Variants in LUZP2 observed in about 807,000 individuals in gnomAD.
The protein encoded by LUZP2 is leucine zipper protein 2.
In LUZP2, 52 loss-of-function variants were observed where a neutral mutation model predicts 51.6. That is an observed-to-expected ratio of 1.01 (90% CI 0.81 to 1.27). The LOEUF (loss-of-function observed/expected upper bound fraction) is 1.27. Among genes scored for constraint, LUZP2 ranks in the 50% most tolerant of loss-of-function variants. LUZP2 has a pLI of 0.00. For synonymous variants in LUZP2, 154 were observed against 137.3 expected, an observed-to-expected ratio of 1.12 and a Z score of -0.85; for missense variants, 436 against 395.4, an observed-to-expected ratio of 1.10 and a Z score of -0.87.
At chr11:24,907,922 A>G (rs1378623256) in intron 6 of LUZP2, among the ~76,000 whole-genome samples, 1 of 152,010 alleles carries the variant, frequency 6.6e-6, no homozygotes, top group East Asian at 1.9e-4. Flanking sequence ...ATTGAAATGT[A>G]TTGTAATAGG....
chr11:24,601,821 T>C (rs964754839), intron 1 of LUZP2, among the ~76,000 whole-genome samples: 1 of 149,166 alleles, frequency 6.7e-6, no homozygotes, highest in African/African-American at 2.5e-5. Context: ...CAAGACTGTT[T>C]AGATATAGTT....
chr11:24,955,997 C>G (rs949580293), intron 7 of LUZP2, among the ~76,000 whole-genome samples: 1 of 151,816 alleles, frequency 6.6e-6, no homozygotes, highest in South Asian at 2.1e-4. Context: ...GCACAAAACT[C>G]AATGAGATAG....
In LUZP2 at chr11:24,643,936, G is replaced by C. The variant is rs1040849826; in HGVS notation, c.63-85233G>C. 2.6e-5 allele frequency among the ~76,000 whole-genome samples: 4 copies of C among 152,254 alleles called. No homozygotes were observed. The East Asian group carries it at 7.7e-4, about 29-fold the overall frequency. On this transcript the variant is annotated intron_variant, in intron 1 of 11. Transcript: ENST00000336930. The stretch of plus-strand genomic sequence containing the variant: ...CCTTTATTCGTAATGTAATGATGTT[G>C]ATACAACTGATGCCAGGTCAGCCTA...
intron 1 of LUZP2, among the ~76,000 whole-genome samples, chr11:24,704,863 C>T (rs978032591): frequency 6.6e-6 from 1 of 152,070 alleles, no homozygotes; most frequent in Non-Finnish European, 1.5e-5. Flanking sequence ...TAGTCCCAGG[C>T]TCTCTTCAAA....
At chr11:24,946,974 G>A (rs1292501597) in intron 7 of LUZP2, among the ~76,000 whole-genome samples, 2 of 151,850 alleles carry the variant, frequency 1.3e-5, no homozygotes, top group East Asian at 3.9e-4. Flanking sequence ...CAGCAGGAGA[G>A]ATATACAACT....
intron 1 of LUZP2, among the ~76,000 whole-genome samples, chr11:24,725,495 T>C (rs1858440622): frequency 6.6e-6 from 1 of 151,946 alleles, no homozygotes; most frequent in Non-Finnish European, 1.5e-5. Context: ...TTTTTATAAA[T>C]GTACATAAAC....
At chr11:24,836,577 G>T (rs1274214828) in intron 5 of LUZP2, among the ~76,000 whole-genome samples, 3 of 151,760 alleles carry the variant, frequency 2.0e-5, no homozygotes, top group African/African-American at 7.2e-5. Flanking sequence ...ACCACAGAAT[G>T]ATCTCTCTGG....
chr11:24,609,481 T>C (rs1200957767), intron 1 of LUZP2, among the ~76,000 whole-genome samples: 1 of 151,860 alleles, frequency 6.6e-6, no homozygotes, highest in African/African-American at 2.4e-5. Context: ...ATCCCAGCAG[T>C]TTGGGAGGCT....
At chr11:24,938,575 ATT>A (rs36004881) in intron 7 of LUZP2, among the ~76,000 whole-genome samples, 18 of 150,356 alleles carry the variant, frequency 1.2e-4, no homozygotes, top group East Asian at 3.9e-4. Flanking sequence ...AGCTCTGTGG[ATT>A]TTTTTTTTTC....
At chr11:24,910,964 A>C (rs1406217383) in intron 6 of LUZP2, among the ~76,000 whole-genome samples, 1 of 152,190 alleles carries the variant, frequency 6.6e-6, no homozygotes, top group African/African-American at 2.4e-5. Flanking sequence ...GCAGCTGCAC[A>C]AGGCTATGCG....
intron 9 of LUZP2, among the ~76,000 whole-genome samples, chr11:24,996,310 T>TTCTC (rs147073186): frequency 6.7e-6 from 1 of 150,062 alleles, no homozygotes; most frequent in Non-Finnish European, 1.5e-5. Flanking sequence ...TCCTCTATCT[T>TTCTC]TCTCTCTCTC....
intron 1 of LUZP2, among the ~76,000 whole-genome samples, chr11:24,722,711 A>G (rs1009753661): frequency 7.2e-5 from 11 of 152,146 alleles, no homozygotes; most frequent in African/African-American, 2.7e-4. Context: ...TGAGGTCAGG[A>G]GTTCGAGACC....
At chr11:24,509,651 A>G (rs1850247088) in intron 1 of LUZP2, among the ~76,000 whole-genome samples, 1 of 150,406 alleles carries the variant, frequency 6.6e-6, no homozygotes, top group South Asian at 2.1e-4. Context: ...TACACAGAAT[A>G]TATAAATATA....
intron 5 of LUZP2, among the ~76,000 whole-genome samples, chr11:24,820,660 T>C (rs950148195): frequency 6.6e-6 from 1 of 152,142 alleles, no homozygotes; most frequent in African/African-American, 2.4e-5. Flanking sequence ...ATTACTTTAA[T>C]GACTCACTGG....
At chr11:24,618,221 G>T (rs1015082589) in intron 1 of LUZP2, among the ~76,000 whole-genome samples, 4 of 152,200 alleles carry the variant, frequency 2.6e-5, no homozygotes, top group African/African-American at 9.7e-5. Context: ...AAGCAACACA[G>T]CCAAGAATAG....
At chr11:25,030,502 T>A (rs900689464) in intron 9 of LUZP2, among the ~76,000 whole-genome samples, 1 of 152,002 alleles carries the variant, frequency 6.6e-6, no homozygotes, top group Non-Finnish European at 1.5e-5. Flanking sequence ...TTGACAATTC[T>A]TTTTCCAAAA....
At chr11:24,806,647 A>G (rs1590563272) in intron 5 of LUZP2, among the ~76,000 whole-genome samples, 1 of 152,306 alleles carries the variant, frequency 6.6e-6, no homozygotes, top group African/African-American at 2.4e-5. Context: ...AGGTAAGGCA[A>G]TGTGGACTCA....
chr11:24,754,954 C>A (rs575119950), intron 4 of LUZP2, among the ~76,000 whole-genome samples: 1 of 151,870 alleles, frequency 6.6e-6, no homozygotes, highest in Non-Finnish European at 1.5e-5. Context: ...AAGACCAGCC[C>A]GACCAACATG....
At chr11:24,698,457 G>T (rs1055282558) in intron 1 of LUZP2, among the ~76,000 whole-genome samples, 1 of 152,074 alleles carries the variant, frequency 6.6e-6, no homozygotes, top group Non-Finnish European at 1.5e-5. Flanking sequence ...GAATCATACT[G>T]GCAAAGCCAT....
Sources: gnomAD v4.1 joint callset for allele counts (sites outside exome capture counted in the v4.1 genomes callset) on GRCh38, gnomAD v4.1.1 for gene constraint, MANE v1.5 for transcripts, NCBI Gene and HGNC (gene_info 2026-07-23, HGNC 2026-07-21) for gene names.